MACROD1: variants seen among roughly 807,000 people sequenced by gnomAD.
MACROD1 encodes the protein mono-ADP ribosylhydrolase 1.
A neutral mutation model predicts 41.4 loss-of-function variants in MACROD1; 31 were observed. That is an observed-to-expected ratio of 0.75 (90% CI 0.56 to 1.01). The LOEUF (loss-of-function observed/expected upper bound fraction) is 1.01. MACROD1 is among the 50% of genes least tolerant of loss of function. MACROD1 has a pLI of 0.00. For synonymous variants in MACROD1, 252 were observed against 203.4 expected, an observed-to-expected ratio of 1.24 and a Z score of -2.03; for missense variants, 473 against 460.0, an observed-to-expected ratio of 1.03 and a Z score of -0.26.
At position 63,998,688 on chromosome 11, in the gene MACROD1, C is replaced by T; in HGVS notation, c.*31-1G>A. The T allele has an allele frequency of 1.5e-6, 2 of 1,352,602 alleles. No homozygotes were observed. The highest frequency in any genetic ancestry group is 1.9e-6 in the Non-Finnish European group (2 of 1,055,904). The allele number at this position is 1,352,602 out of a possible 1,614,324, so 83.8% of individuals were successfully genotyped here. A position where few individuals can be genotyped will look rare whatever the true frequency, so the allele number is the denominator to read the frequency against. Reference sequence around the variant, plus strand: ...TGGGAGCGGGGTCCCGAAGGCGGGTCTGAGGGCAGAGCAGAGTCAGAGGTG... The same window carrying T: ...TGGGAGCGGGGTCCCGAAGGCGGGTTTGAGGGCAGAGCAGAGTCAGAGGTG... On this transcript the variant is annotated splice_acceptor_variant, in intron 10 of 10. Transcript: ENST00000255681. LOFTEE classifies it low-confidence loss of function (3UTR_SPLICE).
At chr11:64,139,963 G>GAA (rs11370102) in intron 3 of MACROD1, among the ~76,000 whole-genome samples, 116 of 147,380 alleles carry the variant, frequency 7.9e-4, no homozygotes, top group Middle Eastern at 3.4e-3. Context: ...CTCAAAAAAA[G>GAA]AAAAAAAAAA....
At chr11:64,098,210 C>A (rs936597691) in intron 3 of MACROD1, among the ~76,000 whole-genome samples, 1 of 152,212 alleles carries the variant, frequency 6.6e-6, no homozygotes, top group Non-Finnish European at 1.5e-5. Flanking sequence ...AGCCTCCCCC[C>A]TGCCCTTGTA....
At chr11:64,006,285 A>G (rs1215632139) in intron 4 of MACROD1, among the ~76,000 whole-genome samples, 1 of 152,138 alleles carries the variant, frequency 6.6e-6, no homozygotes, top group Non-Finnish European at 1.5e-5. Context: ...GCGATATCCC[A>G]TTGCCGGAAC....
chr11:64,021,247 C>T (rs1442785135), intron 3 of MACROD1, among the ~76,000 whole-genome samples: 1 of 152,224 alleles, frequency 6.6e-6, no homozygotes, highest in Non-Finnish European at 1.5e-5. Context: ...CAGGGGAGCC[C>T]ACCCTGGGGC....
intron 3 of MACROD1, among the ~76,000 whole-genome samples, chr11:64,113,898 G>GAATGGACA (rs1944914335): frequency 6.6e-6 from 1 of 150,716 alleles, no homozygotes; most frequent in Non-Finnish European, 1.5e-5. Context: ...ATGGATGGAT[G>GAATGGACA]GATGGATGGA....
At chr11:64,124,543 C>T (rs1945148579) in intron 3 of MACROD1, among the ~76,000 whole-genome samples, 1 of 152,192 alleles carries the variant, frequency 6.6e-6, no homozygotes, top group Non-Finnish European at 1.5e-5. Flanking sequence ...TTTGCTCTTC[C>T]CCCTCCCTCG....
intron 4 of MACROD1, among the ~76,000 whole-genome samples, chr11:64,010,727 G>A (rs934674632): frequency 4.7e-5 from 7 of 149,438 alleles, no homozygotes; most frequent in Non-Finnish European, 8.9e-5. Context: ...TGGGGTGTTG[G>A]TTGGCATGTT....
In MACROD1 at chr11:64,067,891, G is replaced by T. The variant is rs925085007; in HGVS notation, c.518-52610C>A. ...CTTCCTGCTGCTGTCCATTTAGCCA[G>T]CGGTTCGCTCGGCTTTTAGGAGGGG... On this transcript the variant is annotated intron_variant, in intron 3 of 10. Transcript: ENST00000255681. This position sits in a 1 kb window ranked among gnomAD's most constrained non-coding sequence, Gnocchi z 4.6. Among the ~76,000 whole-genome samples the T allele has an allele frequency of 2.6e-5, 4 of 152,156 alleles. No individual in the cohort carries two copies. Among genetic ancestry groups the T allele is most frequent in the African/African-American group, 9.7e-5 (4 of 41,442 alleles).
intron 3 of MACROD1, among the ~76,000 whole-genome samples, chr11:64,140,951 A>G (rs1945404352): frequency 6.6e-6 from 1 of 152,110 alleles, no homozygotes; most frequent in African/African-American, 2.4e-5. Flanking sequence ...CCTGGGCAAT[A>G]TGGTGTAAAT....
chr11:64,064,883 G>A lies in MACROD1; in HGVS notation c.518-49602C>T, dbSNP rs1042976824. On this transcript the variant is annotated intron_variant, in intron 3 of 10. Coordinates refer to ENST00000255681, the MANE Select transcript of MACROD1 (RefSeq NM_014067.4). This position sits in a 1 kb window ranked among gnomAD's most constrained non-coding sequence, Gnocchi z 4.5. ...ATTCATTCATTCATTCATTTGATGA[G>A]TGCTTCCAGAGCCCACCTATGACGT... 6.6e-6 allele frequency among the ~76,000 whole-genome samples: 1 copy of A among 150,824 alleles called. No individual in the cohort carries two copies. The highest frequency in any genetic ancestry group is 6.6e-5 in the Admixed American group (1 of 15,130).
intron 4 of MACROD1, among the ~76,000 whole-genome samples, chr11:64,010,101 G>T (rs2134332339): frequency 6.8e-6 from 1 of 146,044 alleles, no homozygotes; most frequent in Non-Finnish European, 1.5e-5. Context: ...TGGGGTGTTG[G>T]TTGGGGGGTT....
At chr11:64,100,740 G>T (rs1471407390) in intron 3 of MACROD1, among the ~76,000 whole-genome samples, 1 of 152,194 alleles carries the variant, frequency 6.6e-6, no homozygotes, top group African/African-American at 2.4e-5. Flanking sequence ...AGACTCACTT[G>T]GAAAACCAAT....
intron 3 of MACROD1, among the ~76,000 whole-genome samples, chr11:64,080,370 C>T (rs192595474): frequency 6.6e-6 from 1 of 152,308 alleles, no homozygotes; most frequent in African/African-American, 2.4e-5. Context: ...AGATATAACT[C>T]ACATACCATA....
At chr11:64,131,694 C>T (rs1287975731) in intron 3 of MACROD1, among the ~76,000 whole-genome samples, 2 of 152,314 alleles carry the variant, frequency 1.3e-5, no homozygotes, top group East Asian at 3.9e-4. Context: ...CTGTTTCAGG[C>T]TGTGACTACC....
chr11:64,159,357 G>A (rs1945718467), intron 1 of MACROD1, among the ~76,000 whole-genome samples: 1 of 149,984 alleles, frequency 6.7e-6, no homozygotes, highest in South Asian at 2.1e-4. Flanking sequence ...ATTAGCCGGT[G>A]TAGTGGCACA....
At chr11:64,086,383 C>A (rs917623040) in intron 3 of MACROD1, among the ~76,000 whole-genome samples, 1 of 152,052 alleles carries the variant, frequency 6.6e-6, no homozygotes, top group Admixed American at 6.5e-5. Flanking sequence ...CTTGTGACTA[C>A]CCCCGAGCTC....
intron 3 of MACROD1, among the ~76,000 whole-genome samples, chr11:64,040,853 C>T (rs1300847931): frequency 6.6e-6 from 1 of 152,018 alleles, no homozygotes; most frequent in Non-Finnish European, 1.5e-5. Context: ...GCTCAGCTAG[C>T]CACTAGGGGA....
chr11:64,088,589 TCTC>T (rs971804830), intron 3 of MACROD1, among the ~76,000 whole-genome samples: 9 of 148,018 alleles, frequency 6.1e-5, no homozygotes, highest in East Asian at 4.0e-4. Context: ...GGAGCAGGTC[TCTC>T]CTCCTCCTCC....
In MACROD1 at chr11:64,036,432, C is replaced by G. The variant is rs1215528910; in HGVS notation, c.518-21151G>C. On this transcript the variant is annotated intron_variant, in intron 3 of 10. Coordinates refer to ENST00000255681, the MANE Select transcript of MACROD1 (RefSeq NM_014067.4). This position sits in a 1 kb window ranked among gnomAD's most constrained non-coding sequence, Gnocchi z 5.6. Reference sequence around the variant, plus strand: ...GGCCGGCGGCTCAGCTCTCCCGAGCCGAGGCTGGAAAGGGCGGGGGCTCAG... The same window carrying G: ...GGCCGGCGGCTCAGCTCTCCCGAGCGGAGGCTGGAAAGGGCGGGGGCTCAG... Among the ~76,000 whole-genome samples the G allele has an allele frequency of 6.6e-6, 1 of 152,122 alleles. No homozygotes were observed. The highest frequency in any genetic ancestry group is 1.5e-5 in the Non-Finnish European group (1 of 67,998).
Sources: gnomAD v4.1 joint callset for allele counts (sites outside exome capture counted in the v4.1 genomes callset) on GRCh38, gnomAD v4.1.1 for gene constraint, Gnocchi (gnomAD v3.1) non-coding constraint, MANE v1.5 for transcripts, NCBI Gene and HGNC (gene_info 2026-07-23, HGNC 2026-07-21) for gene names.